Variants in NXN observed in about 807,000 individuals in gnomAD.
NXN encodes nucleoredoxin.
NXN carries 16 observed loss-of-function variants against 48.6 expected under a neutral mutation model. The observed-to-expected ratio is 0.33, with a 90% confidence interval of 0.22 to 0.50. The LOEUF is 0.50. Among genes scored for constraint, NXN ranks in the 20% least tolerant of loss-of-function variants. The pLI is 0.98. For synonymous variants in NXN, 281 were observed against 269.6 expected (o/e 1.04, Z -0.41); for missense variants, 492 against 605.5 (o/e 0.81, Z 1.97).
intron 1 of NXN, among the ~76,000 whole-genome samples, chr17:839,700 G>A (rs1914029139): frequency 6.6e-6 from 1 of 150,618 alleles, no homozygotes; most frequent in Non-Finnish European, 1.5e-5. Context: ...TACGCAGGAG[G>A]TTGAGGCAGG....
chr17:977,381 A>G (rs561605770), intron 1 of NXN, among the ~76,000 whole-genome samples: 1 of 152,358 alleles, frequency 6.6e-6, no homozygotes, highest in East Asian at 1.9e-4. Flanking sequence ...CCAGGTTCTC[A>G]TCATGGAGGA....
intron 1 of NXN, among the ~76,000 whole-genome samples, chr17:943,802 G>A (rs1268091526): frequency 1.4e-5 from 2 of 146,900 alleles, no homozygotes; most frequent in Admixed American, 6.8e-5. Context: ...TCCAGCCTGA[G>A]TGACAGAGTA....
At position 801,038 on chromosome 17, in the gene NXN, C is replaced by T. The variant is rs757472688; in HGVS notation, c.1219G>A (p.Val407Met). The change falls in exon 8 of 8, where the codon GTG becomes ATG. Residue 407 changes from valine to methionine, a missense_variant. Val to Met is a conservative substitution (Grantham distance 21). Around this residue, in one of 3 missense-constraint regions of NXN, gnomAD observed 303 missense variants for 388.3 expected, o/e 0.78. Transcript: ENST00000336868. ...ILDMSARAKY[V>M]MDVEEITPAI... ...GGGGTGATCTCCTCCACGTCCATCACGTACTTGGCCCGGGCTGACATGTCC... is the reference window on the plus strand; with the variant it reads ...GGGGTGATCTCCTCCACGTCCATCATGTACTTGGCCCGGGCTGACATGTCC... 7 of 1,576,080 alleles carry T rather than the reference C, an allele frequency of 4.4e-6. No individual in the cohort carries two copies. Among genetic ancestry groups the T allele is most frequent in the South Asian group, 1.2e-5 (1 of 85,408 alleles).
chr17:829,433 G>T (rs1272098877), intron 1 of NXN, among the ~76,000 whole-genome samples: 1 of 151,152 alleles, frequency 6.6e-6, no homozygotes, highest in African/African-American at 2.4e-5. Flanking sequence ...GGGATTACAG[G>T]TGTGAGCCAC....
At chr17:975,790 G>A (rs1343596492) in intron 1 of NXN, among the ~76,000 whole-genome samples, 1 of 152,194 alleles carries the variant, frequency 6.6e-6, no homozygotes, top group Non-Finnish European at 1.5e-5. Flanking sequence ...GTGGATCCCG[G>A]AGACGGACCT....
In NXN at chr17:879,392, C is replaced by T. The variant is rs374030467; in HGVS notation, c.361-53314G>A. Among the ~76,000 whole-genome samples the T allele has an allele frequency of 1.2e-3, 176 of 151,180 alleles. 1 individual carries two copies. The highest frequency in any genetic ancestry group is 4.1e-3 in the African/African-American group (170 of 41,188). On this transcript the variant is annotated intron_variant, in intron 1 of 7. Coordinates refer to ENST00000336868, the MANE Select transcript of NXN (RefSeq NM_022463.5). Reference sequence around the variant, plus strand: ...ATAGCCTCCGTCTCCCAGGTTCAAGCGATTCTCCCGCCTCAGCCTCCCAAG... The same window carrying T: ...ATAGCCTCCGTCTCCCAGGTTCAAGTGATTCTCCCGCCTCAGCCTCCCAAG...
intron 1 of NXN, among the ~76,000 whole-genome samples, chr17:841,691 A>AAG: frequency 1.5e-5 from 1 of 67,756 alleles, no homozygotes; most frequent in African/African-American, 6.1e-5. Flanking sequence ...TGACCATGGC[A>AAG]CATCTCACGC....
Position 841,448 on chromosome 17 carries a change from CTGACCACGGCGCAT to C in NXN, c.361-15384_361-15371del. Reference sequence around the variant, plus strand: ...ATCTCACACGGGCGAGCAGGTCCCCCTGACCACGGCGCATCTCACACGGGCGAGCAGGTCCCCCC... The same window carrying C: ...ATCTCACACGGGCGAGCAGGTCCCCCCTCACACGGGCGAGCAGGTCCCCCC... On this transcript the variant is annotated intron_variant, in intron 1 of 7. Coordinates refer to ENST00000336868, the MANE Select transcript of NXN (RefSeq NM_022463.5). 2.4e-3 allele frequency among the ~76,000 whole-genome samples: 304 copies of C among 129,244 alleles called. 8 individuals carry two copies. Among genetic ancestry groups the C allele is most frequent in the Admixed American group, 4.6e-3 (56 of 12,306 alleles). The allele number at this position is 129,244 out of a possible 152,430, so 84.8% of individuals were successfully genotyped here.
At chr17:937,173 G>A (rs747705224) in intron 1 of NXN, among the ~76,000 whole-genome samples, 13 of 152,122 alleles carry the variant, frequency 8.5e-5, no homozygotes, top group Middle Eastern at 3.4e-3. Flanking sequence ...TTGTAGAGAT[G>A]GGGTTTCATC....
At chr17:931,644 G>T (rs1280905346) in intron 1 of NXN, among the ~76,000 whole-genome samples, 1 of 147,522 alleles carries the variant, frequency 6.8e-6, no homozygotes, top group South Asian at 2.2e-4. Flanking sequence ...AGACCATCCC[G>T]GCTAACACAG....
intron 1 of NXN, among the ~76,000 whole-genome samples, chr17:975,211 G>T (rs954094993): frequency 2.0e-5 from 3 of 152,154 alleles, no homozygotes; most frequent in South Asian, 4.1e-4. Flanking sequence ...TGTCCTGGCT[G>T]GTCCGGGCTT....
chr17:943,286 CT>C (rs2069001367), intron 1 of NXN, among the ~76,000 whole-genome samples: 1 of 152,154 alleles, frequency 6.6e-6, no homozygotes, highest in Non-Finnish European at 1.5e-5. Flanking sequence ...ACTCCCAGCT[CT>C]GTATGAACTA....
intron 1 of NXN, among the ~76,000 whole-genome samples, chr17:948,041 T>C (rs1458081517): frequency 6.6e-6 from 1 of 151,560 alleles, no homozygotes; most frequent in East Asian, 1.9e-4. Context: ...ACAGAGACTC[T>C]CTCTCAAAAA....
chr17:813,713 A>C lies in NXN; in HGVS notation c.820+5726T>G, dbSNP rs58346389. ...GCCGGGCGCGGTGGCTCACGCCTGT[A>C]ATCCCAGCACTTTGGGAGGCCAAGG... On this transcript the variant is annotated intron_variant, in intron 5 of 7. Transcript: ENST00000336868. Among the ~76,000 whole-genome samples, 10 of 152,304 alleles carry C rather than the reference A, an allele frequency of 6.6e-5. No individual in the cohort carries two copies. The East Asian group carries it at 1.9e-3, about 29-fold the overall frequency.
At chr17:836,899 C>T (rs963263500) in intron 1 of NXN, among the ~76,000 whole-genome samples, 17 of 152,122 alleles carry the variant, frequency 1.1e-4, no homozygotes, top group Non-Finnish European at 7.4e-5. Context: ...TCAAGCCATC[C>T]TCCCACCTCA....
chr17:819,099 AC>A, intron 5 of NXN: 1 of 333,570 alleles, frequency 3.0e-6, no homozygotes, highest in Non-Finnish European at 5.8e-6. Flanking sequence ...GGCACCCGCC[AC>A]CACGCCCAGC....
chr17:876,249 G>GAAGAGAAGAAAAGAAAAGAA (rs776299390), intron 1 of NXN, among the ~76,000 whole-genome samples: 101 of 150,196 alleles, frequency 6.7e-4, no homozygotes, highest in Middle Eastern at 6.8e-3. Flanking sequence ...GAAGAGAAGA[G>GAAGAGAAGAAAAGAAAAGAA]AAGAAAAGAA....
intron 1 of NXN, among the ~76,000 whole-genome samples, chr17:857,283 C>T (rs1431698128): frequency 7.2e-5 from 11 of 151,814 alleles, no homozygotes; most frequent in East Asian, 1.9e-4. Context: ...TTTTATGAGA[C>T]GGAGTCTCGC....
intron 1 of NXN, among the ~76,000 whole-genome samples, chr17:873,891 C>A (rs991542410): frequency 1.2e-4 from 19 of 152,146 alleles, no homozygotes; most frequent in East Asian, 3.9e-4. Context: ...AGGATGATCA[C>A]GTCTCAGCTT....
Sources: allele counts gnomAD v4.1 joint callset (sites outside exome capture counted in the v4.1 genomes callset), GRCh38; gene constraint gnomAD v4.1.1; regional missense constraint gnomAD v4.1.1; transcripts MANE v1.5; gene names NCBI Gene and HGNC (gene_info 2026-07-23, HGNC 2026-07-21).